The following PDE4D variants were observed in gnomAD, a reference collection of about 807,000 sequenced individuals.
PDE4D encodes 3',5'-cyclic-AMP phosphodiesterase 4D.
A neutral mutation model predicts 87.4 loss-of-function variants in PDE4D; 24 were observed. The ratio of observed to expected loss-of-function variants is 0.27; its 90% CI spans 0.20 to 0.39. The LOEUF is 0.39. PDE4D is among the 10% of genes least tolerant of loss of function. PDE4D has a pLI of 1.00. For synonymous variants in PDE4D, 384 were observed against 383.2 expected (o/e 1.00, Z -0.02); for missense variants, 714 against 1,041.0 (o/e 0.69, Z 4.32).
intron 1 of PDE4D, among the ~76,000 whole-genome samples, chr5:59,656,346 G>A (rs962012398): frequency 6.6e-6 from 1 of 152,118 alleles, no homozygotes; most frequent in Non-Finnish European, 1.5e-5. Context: ...ACAACGTATT[G>A]GACCAAGTTT....
At chr5:60,422,737 G>T (rs1351469665) in intron 1 of PDE4D, among the ~76,000 whole-genome samples, 1 of 152,146 alleles carries the variant, frequency 6.6e-6, no homozygotes, top group Non-Finnish European at 1.5e-5. Flanking sequence ...CCAATTAAAA[G>T]ACACAGACTG....
intron 1 of PDE4D, among the ~76,000 whole-genome samples, chr5:60,485,098 A>C (rs1749032837): frequency 6.6e-6 from 1 of 152,160 alleles, no homozygotes; most frequent in South Asian, 2.1e-4. Flanking sequence ...ATTGTCTTGA[A>C]ATTAAATGAA....
At chr5:59,408,433 A>G (rs1412230667) in intron 1 of PDE4D, among the ~76,000 whole-genome samples, 1 of 152,222 alleles carries the variant, frequency 6.6e-6, no homozygotes, top group Non-Finnish European at 1.5e-5. Context: ...AGCATGCTAC[A>G]GGGACAGAGT....
chr5:58,974,940 A>G lies in PDE4D; in HGVS notation c.2154T>C (p.Pro718=). ...GGCCCTCCTCTGGGTCATCAGGTGC[A>G]GGAGAGGGGCTCTGAGGGATTGTGC... The part of the protein sequence containing the change: ...YQSTIPQSPS[P]APDDPEEGRQ... Residue 718 remains proline, a synonymous_variant, in exon 15 of 15, where the codon CCT becomes CCC. Coordinates refer to ENST00000340635, the MANE Select transcript of PDE4D (RefSeq NM_001104631.2). 1 of 1,613,454 alleles carries G rather than the reference A, an allele frequency of 6.2e-7. No individual in the cohort carries two copies. The highest frequency in any genetic ancestry group is 1.1e-5 in the South Asian group (1 of 90,998).
chr5:60,346,006 C>T (rs899804381), intron 1 of PDE4D, among the ~76,000 whole-genome samples: 4 of 151,958 alleles, frequency 2.6e-5, no homozygotes, highest in African/African-American at 9.7e-5. Context: ...AGCTTATATC[C>T]GTTGAGTAAA....
At chr5:59,598,095 C>T (rs1450360699) in intron 1 of PDE4D, among the ~76,000 whole-genome samples, 1 of 152,130 alleles carries the variant, frequency 6.6e-6, no homozygotes, top group Non-Finnish European at 1.5e-5. Context: ...TTGCCTAGCT[C>T]TGTATCTTAT....
chr5:60,078,401 TTTC>T (rs1773554123), intron 2 of PDE4D, among the ~76,000 whole-genome samples: 1 of 152,208 alleles, frequency 6.6e-6, no homozygotes, highest in Non-Finnish European at 1.5e-5. Context: ...TGCAAGAGAT[TTTC>T]TTTTTTTTCT....
At chr5:59,902,018 A>G (rs903409257) in intron 3 of PDE4D, among the ~76,000 whole-genome samples, 7 of 151,748 alleles carry the variant, frequency 4.6e-5, no homozygotes, top group African/African-American at 1.7e-4. Flanking sequence ...ATTATACACT[A>G]TAACACAAGC....
intron 1 of PDE4D, among the ~76,000 whole-genome samples, chr5:59,482,750 C>T (rs1189862779): frequency 6.6e-6 from 1 of 152,120 alleles, no homozygotes; most frequent in Non-Finnish European, 1.5e-5. Context: ...CTTCAAATCA[C>T]AAATTTCCTT....
chr5:59,848,569 A>G (rs1744210501), intron 1 of PDE4D, among the ~76,000 whole-genome samples: 2 of 147,990 alleles, frequency 1.4e-5, no homozygotes, highest in African/African-American at 4.9e-5. Flanking sequence ...ATCAAACTGC[A>G]TGTATCTATG....
chr5:58,976,565 C>CAACA (rs1743849644), intron 12 of PDE4D, 93 bp from the exon 13 acceptor site: 1 of 971,186 alleles, frequency 1.0e-6, no homozygotes, highest in Non-Finnish European at 1.5e-6. Flanking sequence ...AGGAATAAAA[C>CAACA]AACACTATGC....
At chr5:59,451,709 A>G (rs368788743) in intron 1 of PDE4D, among the ~76,000 whole-genome samples, 2 of 152,184 alleles carry the variant, frequency 1.3e-5, no homozygotes, top group Admixed American at 1.3e-4. Flanking sequence ...TGCCTCTGCT[A>G]TCATTCTGCT....
chr5:59,700,367 A>G (rs1289738529), intron 1 of PDE4D, among the ~76,000 whole-genome samples: 3 of 152,190 alleles, frequency 2.0e-5, no homozygotes, highest in Non-Finnish European at 2.9e-5. Context: ...TCATGCCACA[A>G]AGGTTAAAAA....
intron 5 of PDE4D, among the ~76,000 whole-genome samples, chr5:59,156,059 C>T (rs900323630): frequency 1.3e-4 from 19 of 151,798 alleles, no homozygotes; most frequent in Admixed American, 1.1e-3. Flanking sequence ...TCTGAGAGTC[C>T]GATGAGGTGA....
intron 1 of PDE4D, among the ~76,000 whole-genome samples, chr5:59,541,215 C>G (rs1816286079): frequency 6.6e-6 from 1 of 152,126 alleles, no homozygotes; most frequent in Non-Finnish European, 1.5e-5. Context: ...ATAGAAGGCG[C>G]TCAGTATGTA....
chr5:59,381,041 A>T (rs564158959), intron 1 of PDE4D, among the ~76,000 whole-genome samples: 1 of 152,118 alleles, frequency 6.6e-6, no homozygotes, highest in Admixed American at 6.6e-5. Context: ...TCACAGAAAA[A>T]GTTTGCTGAC....
chr5:59,983,657 A>G (rs1178999564), intron 3 of PDE4D, among the ~76,000 whole-genome samples: 1 of 152,214 alleles, frequency 6.6e-6, no homozygotes, highest in African/African-American at 2.4e-5. Flanking sequence ...ACAGTAGTAT[A>G]CCACTACACA....
rs564561297 is a variant in PDE4D, at chr5:59,112,813, T to G, written c.808+67782A>C. ...TCTTCCTTTTTCTTTCTTTTTTTTT[T>G]TTTTGAGACAGAGTTTCGCTCTTGT... is the stretch of plus-strand genomic sequence containing the variant. On this transcript the variant is annotated intron_variant, in intron 5 of 14. Transcript: ENST00000340635. 1.9e-4 allele frequency among the ~76,000 whole-genome samples: 28 copies of G among 151,204 alleles called. 2 individuals carry two copies. In the East Asian group the frequency reaches 5.4e-3, roughly 29 times the overall value.
intron 3 of PDE4D, among the ~76,000 whole-genome samples, chr5:59,927,516 G>A (rs531946624): frequency 1.1e-3 from 167 of 152,324 alleles, no homozygotes; most frequent in African/African-American, 3.9e-3. Context: ...GAAGACACAT[G>A]TGAATAAGAA....
Sources: gnomAD v4.1 joint callset for allele counts (sites outside exome capture counted in the v4.1 genomes callset) on GRCh38, gnomAD v4.1.1 for gene constraint, MANE v1.5 for transcripts, NCBI Gene and HGNC (gene_info 2026-07-23, HGNC 2026-07-21) for gene names.